SLFN12: variants seen among roughly 807,000 people sequenced by gnomAD.
SLFN12 encodes schlafen family member 12.
Under a neutral mutation model 29.1 loss-of-function variants are expected in SLFN12, and 25 were observed. That is an observed-to-expected ratio of 0.86 (90% CI 0.63 to 1.20). The LOEUF is 1.20. Ranked by LOEUF, SLFN12 falls within the 50% of genes most tolerant of loss-of-function variation. The pLI is 0.00. For missense variants in SLFN12, 660 were observed against 666.2 expected (o/e 0.99, Z 0.10); for synonymous variants, 257 against 238.7 (o/e 1.08, Z -0.71).
intron 1 of SLFN12, among the ~76,000 whole-genome samples, chr17:35,430,156 T>C (rs1264932896): frequency 6.6e-6 from 1 of 152,096 alleles, no homozygotes; most frequent in Non-Finnish European, 1.5e-5. Context: ...TCTGAAGTCC[T>C]CAACAGCCTG....
intron 1 of SLFN12, among the ~76,000 whole-genome samples, chr17:35,426,447 T>G: frequency 6.6e-6 from 1 of 152,144 alleles, no homozygotes. Context: ...TCTAAGTCTT[T>G]AATCCATGTT....
At chr17:35,413,757 A>G (rs1911168487) in intron 3 of SLFN12, among the ~76,000 whole-genome samples, 1 of 151,742 alleles carries the variant, frequency 6.6e-6, no homozygotes. Context: ...CTCAAAAAAA[A>G]AAAAAAAGAA....
Position 35,429,033 on chromosome 17 carries a change from T to G in SLFN12, c.-41+3155A>C, listed in dbSNP as rs1349206800. On this transcript the variant is annotated intron_variant, in intron 1 of 3. Transcript: ENST00000304905. ...AGCCCTACAATTTTCTGGTAATGCC[T>G]CACCAAGCAGCCTCTGCTCTGCTCC... 2.0e-5 allele frequency among the ~76,000 whole-genome samples: 3 copies of G among 152,070 alleles called. No homozygotes were observed. The East Asian group carries it at 5.8e-4, about 29-fold the overall frequency.
intron 1 of SLFN12, among the ~76,000 whole-genome samples, chr17:35,428,661 A>G (rs1235309978): frequency 6.6e-6 from 1 of 152,086 alleles, no homozygotes; most frequent in Admixed American, 6.5e-5. Flanking sequence ...AGATTCCAAA[A>G]AAAGAGAACC....
At chr17:35,413,130 C>T (rs571691913) in intron 3 of SLFN12, among the ~76,000 whole-genome samples, 1 of 150,082 alleles carries the variant, frequency 6.7e-6, no homozygotes, top group African/African-American at 2.4e-5. Flanking sequence ...AAAGGTCTAG[C>T]AAATTTATAA....
chr17:35,422,122 A>G lies in SLFN12; in HGVS notation c.907T>C (p.Cys303Arg), dbSNP rs994508360. The G allele has an allele frequency of 6.2e-6, 10 of 1,614,134 alleles. No individual in the cohort carries two copies. The highest frequency in any genetic ancestry group is 8.5e-6 in the Non-Finnish European group (10 of 1,180,010). ...CAGAAGCGCTCCACTCTGAGTGCACAGACATATCCACAAAGACTTCCTTTA... is the reference window on the plus strand; with the variant it reads ...CAGAAGCGCTCCACTCTGAGTGCACGGACATATCCACAAAGACTTCCTTTA... The part of the protein sequence containing the change: ...YDKGSLCGYV[C>R]ALRVERFCCA... The change falls in exon 2 of 4, where the codon TGT becomes CGT. Residue 303 changes from cysteine to arginine, a missense_variant. Cys to Arg is a radical substitution (Grantham distance 180). Coordinates refer to ENST00000304905, the MANE Select transcript of SLFN12 (RefSeq NM_018042.5).
intron 3 of SLFN12, among the ~76,000 whole-genome samples, chr17:35,413,602 A>G (rs1186118101): frequency 1.3e-5 from 2 of 151,916 alleles, no homozygotes; most frequent in Non-Finnish European, 2.9e-5. Flanking sequence ...ACAGAAAATT[A>G]GCCAGAAATG....
intron 1 of SLFN12, among the ~76,000 whole-genome samples, chr17:35,428,757 T>C (rs115313015): frequency 1.3e-5 from 2 of 152,246 alleles, no homozygotes; most frequent in African/African-American, 4.8e-5. Context: ...TAAAACTCAA[T>C]AGTAGTCTCA....
intron 3 of SLFN12, among the ~76,000 whole-genome samples, chr17:35,412,712 CAG>C (rs1329841936): frequency 6.6e-6 from 1 of 151,528 alleles, no homozygotes; most frequent in African/African-American, 2.4e-5. Context: ...AATTACGAGA[CAG>C]AATAAAAATC....
At position 35,411,514 on chromosome 17, in the gene SLFN12, A is replaced by G; in HGVS notation, c.1561T>C (p.Ser521Pro). 1.2e-6 allele frequency: 2 copies of G among 1,614,044 alleles called. No individual in the cohort carries two copies. Among genetic ancestry groups the G allele is most frequent in the Non-Finnish European group, 1.7e-6 (2 of 1,179,986 alleles). The change falls in exon 4 of 4, where the codon TCC becomes CCC. Residue 521 changes from serine to proline, a missense_variant. Ser to Pro is a moderately conservative substitution (Grantham distance 74). Transcript: ENST00000304905. ...TATTTCCTTCTTGTAAAATAGTAGGATTCAGGGTAAATTACTTGCGACCTT... is the reference window on the plus strand; with the variant it reads ...TATTTCCTTCTTGTAAAATAGTAGGGTTCAGGGTAAATTACTTGCGACCTT... The part of the protein sequence containing the change: ...DLRSQVIYPE[S>P]YYFTRRKYLL...
intron 1 of SLFN12, among the ~76,000 whole-genome samples, chr17:35,428,587 A>G: frequency 6.6e-6 from 1 of 152,098 alleles, no homozygotes; most frequent in South Asian, 2.1e-4. Context: ...TGGACCTAGC[A>G]TTCATTCAAA....
At position 35,422,705 on chromosome 17, in the gene SLFN12, C is replaced by T; in HGVS notation, c.324G>A (p.Lys108=). ...GACCAGAGGTGTTCAAGCTCCATGA[C>T]TTCACAAAAATCAGAAAGTAGTTAC... ...QNGNYFLIFV[K]SWSLNTSGLR... is the part of the protein sequence containing the mutation. Residue 108 remains lysine, a synonymous_variant, in exon 2 of 4, where the codon AAG becomes AAA. Transcript: ENST00000304905. The T allele has an allele frequency of 6.2e-7, 1 of 1,614,112 alleles. No homozygotes were observed. Among genetic ancestry groups the T allele is most frequent in the Non-Finnish European group, 8.5e-7 (1 of 1,180,020 alleles).
At position 35,422,906 on chromosome 17, in the gene SLFN12, A is replaced by T. The variant is rs562488815; in HGVS notation, c.123T>A (p.Asn41Lys). Residue 41 changes from asparagine to lysine, a missense_variant, in exon 2 of 4, where the codon AAT (asparagine) becomes AAA (lysine). Transcript: ENST00000304905. ...MKDCKLRKKQNESVSRAMCAL... is the reference protein window; with the variant it reads ...MKDCKLRKKQKESVSRAMCAL... The stretch of plus-strand genomic sequence containing the variant: ...CACACATAGCTCGTGAGACACTTTC[A>T]TTCTGCTTTTTTCTCAGTTTACAAT... 1 of 1,613,888 alleles carries T rather than the reference A, an allele frequency of 6.2e-7. No homozygotes were observed. The highest frequency in any genetic ancestry group is 1.1e-5 in the South Asian group (1 of 91,074).
chr17:35,430,442 C>T (rs949489819), intron 1 of SLFN12: 6 of 152,140 alleles, frequency 3.9e-5, no homozygotes, highest in Non-Finnish European at 7.4e-5. Context: ...GTAACCAAAA[C>T]GTAAGGCCTT....
At chr17:35,424,352 T>A (rs576896188) in intron 1 of SLFN12, among the ~76,000 whole-genome samples, 7 of 152,200 alleles carry the variant, frequency 4.6e-5, no homozygotes, top group African/African-American at 1.2e-4. Context: ...TTTAACTTTT[T>A]AAAAAAAGTG....
At chr17:35,423,240 T>C (rs538523077) in intron 1 of SLFN12, among the ~76,000 whole-genome samples, 172 bp from the exon 2 acceptor site, 5 of 152,244 alleles carry the variant, frequency 3.3e-5, no homozygotes, top group South Asian at 2.1e-4. Flanking sequence ...TAATTTATAC[T>C]CCTACTGAAT....
intron 1 of SLFN12, among the ~76,000 whole-genome samples, chr17:35,424,991 A>G (rs755247998): frequency 3.3e-5 from 5 of 152,064 alleles, no homozygotes; most frequent in Non-Finnish European, 5.9e-5. Flanking sequence ...TATTTTAGCA[A>G]CTTTCAAGAA....
At chr17:35,414,600 A>C (rs113452253) in intron 3 of SLFN12, among the ~76,000 whole-genome samples, 2 of 152,202 alleles carry the variant, frequency 1.3e-5, no homozygotes, top group African/African-American at 4.8e-5. Context: ...CAGAAAAATG[A>C]CTGTATACCT....
chr17:35,416,066 G>A (rs1911293236), intron 3 of SLFN12, among the ~76,000 whole-genome samples: 2 of 152,102 alleles, frequency 1.3e-5, no homozygotes, highest in Admixed American at 1.3e-4. Context: ...CACATTTATA[G>A]CAGTACAATT....
Sources: gnomAD v4.1 joint callset for allele counts (sites outside exome capture counted in the v4.1 genomes callset) on GRCh38, gnomAD v4.1.1 for gene constraint, MANE v1.5 for transcripts, NCBI Gene and HGNC (gene_info 2026-07-23, HGNC 2026-07-21) for gene names.